The following NRG1 variants were observed in gnomAD, a reference collection of about 807,000 sequenced individuals.
NRG1 encodes neuregulin 1.
Under a neutral mutation model 63.8 loss-of-function variants are expected in NRG1, and 18 were observed. The observed-to-expected ratio is 0.28, with a 90% CI of 0.19 to 0.42. The LOEUF (loss-of-function observed/expected upper bound fraction) is 0.42, where lower values mean the gene tolerates loss of function less well. Among genes scored for constraint, NRG1 ranks in the 10% least tolerant of loss-of-function variants. The pLI is 1.00. For synonymous variants in NRG1, 302 were observed against 301.3 expected, an observed-to-expected ratio of 1.00 and a Z score of -0.02; for missense variants, 762 against 814.7, an observed-to-expected ratio of 0.94 and a Z score of 0.79.
intron 1 of NRG1, among the ~76,000 whole-genome samples, chr8:31,729,091 C>T (rs1034336836): frequency 8.5e-5 from 13 of 152,142 alleles, no homozygotes; most frequent in South Asian, 2.1e-4. Context: ...TACTTATTTA[C>T]GCACAGATTA....
intron 5 of NRG1, among the ~76,000 whole-genome samples, chr8:32,668,439 G>A (rs1804790594): frequency 6.6e-6 from 1 of 152,122 alleles, no homozygotes. Flanking sequence ...GAAGTGTCAG[G>A]GTTGTGGTGG....
At chr8:31,913,429 A>G (rs976978746) in intron 1 of NRG1, among the ~76,000 whole-genome samples, 5 of 152,144 alleles carry the variant, frequency 3.3e-5, no homozygotes, top group African/African-American at 1.2e-4. Context: ...ATTTTTGTCC[A>G]TGTCTTTCAA....
chr8:32,106,771 C>CTA (rs1412745047), intron 1 of NRG1, among the ~76,000 whole-genome samples: 9 of 152,104 alleles, frequency 5.9e-5, no homozygotes, highest in Non-Finnish European at 7.4e-5. Context: ...TGGAACTGGG[C>CTA]TATTCTGTTG....
chr8:32,698,450 G>A (rs1813946785), intron 5 of NRG1, among the ~76,000 whole-genome samples: 1 of 152,146 alleles, frequency 6.6e-6, no homozygotes, highest in African/African-American at 2.4e-5. Context: ...TTGATAATGT[G>A]CCCACATTTC....
At chr8:32,627,181 T>C (rs942556679) in intron 5 of NRG1, among the ~76,000 whole-genome samples, 1 of 152,100 alleles carries the variant, frequency 6.6e-6, no homozygotes, top group African/African-American at 2.4e-5. Flanking sequence ...ATTTATCTCA[T>C]TTTAAAAGAT....
At chr8:32,313,268 T>C (rs183354783) in intron 1 of NRG1, among the ~76,000 whole-genome samples, 21 of 152,256 alleles carry the variant, frequency 1.4e-4, no homozygotes, top group Admixed American at 3.9e-4. Flanking sequence ...AGGAGTAACC[T>C]TTACCGGAGG....
chr8:31,941,972 A>T (rs898835874), intron 1 of NRG1, among the ~76,000 whole-genome samples: 7 of 152,122 alleles, frequency 4.6e-5, no homozygotes, highest in African/African-American at 1.7e-4. Context: ...GCCAAAAGCA[A>T]TCTACATATT....
intron 2 of NRG1, among the ~76,000 whole-genome samples, chr8:32,601,045 G>T (rs910518105): frequency 6.6e-6 from 1 of 152,136 alleles, no homozygotes; most frequent in Admixed American, 6.5e-5. Context: ...GGAAGATTTG[G>T]CTCATTCTAC....
At chr8:31,648,942 C>A (rs534173419) in intron 1 of NRG1, among the ~76,000 whole-genome samples, 3 of 143,452 alleles carry the variant, frequency 2.1e-5, no homozygotes, top group African/African-American at 7.6e-5. Context: ...TATGGTAATT[C>A]TTTTTTCTTT....
chr8:32,694,475 A>G (rs751519162), intron 5 of NRG1, among the ~76,000 whole-genome samples: 15 of 152,036 alleles, frequency 9.9e-5, no homozygotes, highest in Non-Finnish European at 1.9e-4. Context: ...TTTTTTCTTC[A>G]TGACCCATCA....
intron 1 of NRG1, among the ~76,000 whole-genome samples, chr8:32,563,586 A>G (rs189472532): frequency 6.6e-6 from 1 of 152,320 alleles, no homozygotes; most frequent in Admixed American, 6.5e-5. Flanking sequence ...TATGTGATAC[A>G]ATTGAAGTTG....
At chr8:32,024,241 T>G (rs1367061748) in intron 1 of NRG1, among the ~76,000 whole-genome samples, 1 of 152,226 alleles carries the variant, frequency 6.6e-6, no homozygotes, top group South Asian at 2.1e-4. Flanking sequence ...TTTGTTCCTC[T>G]GCAAAACTGT....
intron 1 of NRG1, among the ~76,000 whole-genome samples, chr8:31,956,010 C>T (rs2129624461): frequency 6.8e-6 from 1 of 146,076 alleles, no homozygotes; most frequent in East Asian, 2.0e-4. Flanking sequence ...CACTCCACTC[C>T]ATCCCAGGTT....
chr8:32,037,462 G>A (rs908253115), intron 1 of NRG1, among the ~76,000 whole-genome samples: 2 of 152,194 alleles, frequency 1.3e-5, no homozygotes, highest in African/African-American at 2.4e-5. Flanking sequence ...CGGAGAGGGT[G>A]TCCTGCACTC....
chr8:32,368,234 A>G (rs1288436839), intron 1 of NRG1, among the ~76,000 whole-genome samples: 2 of 152,190 alleles, frequency 1.3e-5, no homozygotes, highest in African/African-American at 2.4e-5. Flanking sequence ...GTAGCTTCTG[A>G]GTAATGAAGA....
intron 1 of NRG1, among the ~76,000 whole-genome samples, chr8:32,123,170 T>A (rs541813675): frequency 6.6e-6 from 1 of 152,048 alleles, no homozygotes; most frequent in African/African-American, 2.4e-5. Flanking sequence ...TACTTCACCA[T>A]GTGTCCTTGT....
chr8:31,974,194 C>T (rs942477118), intron 1 of NRG1, among the ~76,000 whole-genome samples: 3 of 152,100 alleles, frequency 2.0e-5, no homozygotes, highest in African/African-American at 7.2e-5. Context: ...GAGACAGGGA[C>T]TCGCTGTGTC....
intron 1 of NRG1, among the ~76,000 whole-genome samples, chr8:31,670,923 C>A (rs1272387300): frequency 6.6e-6 from 1 of 152,136 alleles, no homozygotes; most frequent in Non-Finnish European, 1.5e-5. Flanking sequence ...AACATAATAA[C>A]CGATAGGTAC....
At chr8:32,254,828 G>C (rs1428147068) in intron 1 of NRG1, among the ~76,000 whole-genome samples, 12 of 152,180 alleles carry the variant, frequency 7.9e-5, no homozygotes. Flanking sequence ...AGGTCTCTAA[G>C]AACTTGCTTT....
Sources: gnomAD v4.1 joint callset for allele counts (sites outside exome capture counted in the v4.1 genomes callset) on GRCh38, gnomAD v4.1.1 for gene constraint, MANE v1.5 for transcripts, NCBI Gene and HGNC (gene_info 2026-07-23, HGNC 2026-07-21) for gene names.